Variants in KMT2E observed in about 807,000 individuals in gnomAD.
KMT2E encodes the protein histone reader KMT2E.
KMT2E carries 30 observed loss-of-function variants against 184.6 expected under a neutral mutation model. That is an observed-to-expected ratio of 0.16 (90% CI 0.12 to 0.22). The LOEUF is 0.22. Among genes scored for constraint, KMT2E ranks in the 10% least tolerant of loss-of-function variants. KMT2E has a pLI of 1.00. For missense variants in KMT2E, 2,023 were observed against 2,237.4 expected (o/e 0.90, Z 1.93); for synonymous variants, 815 against 776.5 (o/e 1.05, Z -0.82).
chr7:105,028,631 T>C (rs1297403128), intron 1 of KMT2E, among the ~76,000 whole-genome samples: 14 of 152,054 alleles, frequency 9.2e-5, no homozygotes, highest in Non-Finnish European at 1.2e-4. Context: ...TTACCTCAGG[T>C]GTTCAGCTTC....
At chr7:105,034,867 G>T (rs1795569646) in intron 1 of KMT2E, among the ~76,000 whole-genome samples, 2 of 123,768 alleles carry the variant, frequency 1.6e-5, no homozygotes, top group Non-Finnish European at 3.4e-5. Context: ...GGGGTGGGGG[G>T]GTGGGGGGAT....
At chr7:105,033,884 A>C (rs1795526967) in intron 1 of KMT2E, among the ~76,000 whole-genome samples, 1 of 152,162 alleles carries the variant, frequency 6.6e-6, no homozygotes, top group Non-Finnish European at 1.5e-5. Flanking sequence ...TCAAAAGGGA[A>C]ATGGGCACGT....
intron 10 of KMT2E, 29 bp downstream of exon 10, chr7:105,077,222 A>C: frequency 6.2e-7 from 1 of 1,606,716 alleles, no homozygotes; most frequent in Non-Finnish European, 8.5e-7. Context: ...CAAAAATTGT[A>C]AAGCAGTTTT....
chr7:105,057,803 A>G (rs1009879023), intron 3 of KMT2E, among the ~76,000 whole-genome samples: 1 of 152,092 alleles, frequency 6.6e-6, no homozygotes, highest in African/African-American at 2.4e-5. Context: ...TATTTCACCC[A>G]TGTATTATTC....
intron 26 of KMT2E, among the ~76,000 whole-genome samples, chr7:105,111,459 G>A (rs540262253): frequency 2.4e-4 from 37 of 151,858 alleles, no homozygotes; most frequent in Middle Eastern, 6.8e-3. Flanking sequence ...CCTTAGGTTG[G>A]GTATAGAAAT....
chr7:105,058,993 A>G (rs1422651074), intron 3 of KMT2E, among the ~76,000 whole-genome samples: 1 of 152,164 alleles, frequency 6.6e-6, no homozygotes, highest in African/African-American at 2.4e-5. Context: ...TCACTCTCTA[A>G]CTGAAGAGTA....
Position 105,105,576 on chromosome 7 carries a change from T to A in KMT2E, c.2334T>A (p.Thr778=). 6.2e-7 allele frequency: 1 copy of A among 1,614,094 alleles called. No individual in the cohort carries two copies. ...ATQLNSLPGL[T]YSPHVYSTPK... ...AACTCAATTCTTTACCAGGTCTCAC[T>A]TACAGCCCCCATGTATACTCCACTC... Residue 778 remains threonine (T), a synonymous_variant, in exon 18 of 27, where the codon ACT becomes ACA. Transcript: ENST00000311117.
chr7:105,044,063 G>A (rs1244715560), intron 3 of KMT2E, among the ~76,000 whole-genome samples: 3 of 152,110 alleles, frequency 2.0e-5, no homozygotes, highest in South Asian at 4.1e-4. Context: ...GCACCACTGC[G>A]TTCCAGCCTG....
chr7:105,062,836 A>G lies in KMT2E; in HGVS notation c.187-515A>G, dbSNP rs1052084525. Among the ~76,000 whole-genome samples the G allele has an allele frequency of 2.0e-5, 3 of 151,958 alleles. No individual in the cohort carries two copies. The East Asian group carries it at 5.8e-4, about 29-fold the overall frequency. ...GATTCAAACGTAATTACATAACAAC[A>G]CATTTATGATACTATGGAGGTAGAA... On this transcript the variant is annotated intron_variant, in intron 4 of 26. Coordinates refer to ENST00000311117, the MANE Select transcript of KMT2E (RefSeq NM_182931.3).
At chr7:105,096,722 A>AAGAT (rs573137806) in intron 15 of KMT2E, among the ~76,000 whole-genome samples, 4 of 152,346 alleles carry the variant, frequency 2.6e-5, no homozygotes, top group South Asian at 2.1e-4. Context: ...CACTTGAGGA[A>AAGAT]AGATAGACAG....
chr7:105,026,898 C>T lies in KMT2E; in HGVS notation c.-188-11228C>T, dbSNP rs1456278868. ...GAAGTTTAAAATTGGTACCTCTTAC[C>T]TCCTAAAGTAAATAGTTCATTAAGG... On this transcript the variant is annotated intron_variant, in intron 1 of 26. Transcript: ENST00000311117. 3.9e-5 allele frequency among the ~76,000 whole-genome samples: 6 copies of T among 152,202 alleles called. No individual in the cohort carries two copies. The East Asian group carries it at 1.2e-3, about 29-fold the overall frequency.
chr7:105,107,267 A>G (rs768153708), intron 21 of KMT2E, 45 bp downstream of exon 21: 17 of 1,501,640 alleles, frequency 1.1e-5, no homozygotes, highest in African/African-American at 2.8e-5. Context: ...TTTTTTTCCT[A>G]TTACATTGTT....
chr7:105,048,978 T>A (rs2129565892), intron 3 of KMT2E, among the ~76,000 whole-genome samples: 1 of 152,244 alleles, frequency 6.6e-6, no homozygotes, highest in South Asian at 2.1e-4. Context: ...TCTTTAAATA[T>A]AATTAGGTAG....
chr7:105,091,274 T>G lies in KMT2E; in HGVS notation c.1682T>G (p.Met561Arg). Residue 561 changes from methionine to arginine, a missense_variant, in exon 15 of 27, where the codon ATG (methionine) becomes AGG (arginine). By Grantham distance (91) the Met-to-Arg change is moderately conservative. Coordinates refer to ENST00000311117, the MANE Select transcript of KMT2E (RefSeq NM_182931.3). ...ACTCCTATTAGTAATGAAGTAGAAA[T>G]GGAATCAGAGGAGCAGATTGCAGAA... The part of the protein sequence containing the change: ...EKTPISNEVE[M>R]ESEEQIAERK... 1 of 1,607,114 alleles carries G rather than the reference T, an allele frequency of 6.2e-7. No individual in the cohort carries two copies. The highest frequency in any genetic ancestry group is 8.5e-7 in the Non-Finnish European group (1 of 1,173,874).
rs750867829 is a variant in KMT2E at position 105,113,358 on chromosome 7, A to T, written c.*25A>T. The T allele has an allele frequency of 5.7e-6, 9 of 1,588,500 alleles. No homozygotes were observed. The highest frequency in any genetic ancestry group is 5.4e-5 in the African/African-American group (4 of 74,122). On this transcript the variant is annotated 3_prime_UTR_variant, in exon 27 of 27. Transcript: ENST00000311117. ...AAATGGACTCCAAAAACATTTTTTT[A>T]AATGTTCTGTAAGATAAACTGTATA... is the stretch of plus-strand genomic sequence containing the variant.
rs779211079 is a variant in KMT2E at position 105,113,191 on chromosome 7, G to C, written c.5435G>C (p.Cys1812Ser). The change falls in exon 27 of 27, where the codon TGT (cysteine) becomes TCT (serine). Residue 1812 changes from cysteine (C) to serine (S), a missense_variant. Cys to Ser is a moderately radical substitution (Grantham distance 112). Around this residue, in one of 8 missense-constraint regions of KMT2E, gnomAD observed 1,108 missense variants for 1,050.9 expected, o/e 1.05. Coordinates refer to ENST00000311117, the MANE Select transcript of KMT2E (RefSeq NM_182931.3). Reference sequence around the variant, plus strand: ...CCAACACCTACTGCTTCAGGGTTCTGTCCTCATCCTGGCTCTGTGGCCCTG... The same window carrying C: ...CCAACACCTACTGCTTCAGGGTTCTCTCCTCATCCTGGCTCTGTGGCCCTG... Reference protein sequence around the residue: ...SIPTPTASGFCPHPGSVALPH... With the variant: ...SIPTPTASGFSPHPGSVALPH... The C allele has an allele frequency of 6.2e-7, 1 of 1,614,196 alleles. No individual in the cohort carries two copies. The highest frequency in any genetic ancestry group is 8.5e-7 in the Non-Finnish European group (1 of 1,180,028).
chr7:105,102,390 T>A (rs974336063), intron 17 of KMT2E, 196 bp downstream of exon 17: 1 of 450,142 alleles, frequency 2.2e-6, no homozygotes, highest in South Asian at 3.5e-5. Context: ...GAAGATAAAG[T>A]TACATTCAGT....
chr7:105,059,923 ATAATTCTTAATG>A (rs1796725327), intron 3 of KMT2E, among the ~76,000 whole-genome samples: 1 of 149,830 alleles, frequency 6.7e-6, no homozygotes, highest in Admixed American at 6.7e-5. Context: ...AAAATAATGA[ATAATTCTTAATG>A]TAACAGCATA....
chr7:105,071,594 ATATATATATATATATT>A (rs1797304889), intron 6 of KMT2E, among the ~76,000 whole-genome samples: 1 of 59,302 alleles, frequency 1.7e-5, no homozygotes, highest in African/African-American at 6.3e-5. Context: ...ATATATATAT[ATATATATATATATATT>A]TTTTTTTTTT....
Sources: gnomAD v4.1 joint callset for allele counts (sites outside exome capture counted in the v4.1 genomes callset) on GRCh38, gnomAD v4.1.1 for gene constraint, gnomAD v4.1.1 regional missense constraint, MANE v1.5 for transcripts, NCBI Gene and HGNC (gene_info 2026-07-23, HGNC 2026-07-21) for gene names.